The following FAM240B variants were observed in gnomAD, a reference collection of about 807,000 sequenced individuals.
FAM240B encodes the protein family with sequence similarity 240 member B.
Position 38,707,929 on chromosome 9 carries a change from G to C in FAM240B, c.-3-3927C>G, listed in dbSNP as rs112035554. ...GGTCTCTGTTTTCATAGAGTAGCTT[G>C]AGAGTAGTGGGCATGAACTTTGGAA... On this transcript the variant is annotated intron_variant, in intron 1 of 2. Transcript: ENST00000637493. 8.9e-3 allele frequency among the ~76,000 whole-genome samples: 1,349 copies of C among 152,208 alleles called. 26 individuals carry two copies. Among genetic ancestry groups the C allele is most frequent in the African/African-American group, 0.031 (1,277 of 41,534 alleles).
At chr9:38,696,105 C>A (rs1319427865) in intron 2 of FAM240B, among the ~76,000 whole-genome samples, 2 of 151,992 alleles carry the variant, frequency 1.3e-5, no homozygotes, top group Non-Finnish European at 2.9e-5. Flanking sequence ...ATTATGGGCC[C>A]GGGAAAGAAT....
At chr9:38,706,648 C>G (rs1048396515) in intron 1 of FAM240B, among the ~76,000 whole-genome samples, 1 of 152,154 alleles carries the variant, frequency 6.6e-6, no homozygotes, top group African/African-American at 2.4e-5. Context: ...ACGCTCACAT[C>G]CAGTCACCTT....
At chr9:38,716,087 G>A (rs148982095) in intron 1 of FAM240B, among the ~76,000 whole-genome samples, 1,721 of 152,240 alleles carry the variant, frequency 0.011, 28 homozygotes, top group African/African-American at 0.039. Context: ...ACCAGGAGCC[G>A]AGGCAGGTCT....
Position 38,697,582 on chromosome 9 carries a change from G to A in FAM240B, c.144-2713C>T, listed in dbSNP as rs1278358299. Among the ~76,000 whole-genome samples, 3 of 152,150 alleles carry A rather than the reference G, an allele frequency of 2.0e-5. No individual in the cohort carries two copies. In the East Asian group the frequency reaches 5.8e-4, roughly 29 times the overall value. On this transcript the variant is annotated intron_variant, in intron 2 of 2. Transcript: ENST00000637493. ...TATTAACTTTTCAGGAATTTTATAA[G>A]CTAATTTTTAAATGTAGACATTATT...
At chr9:38,715,168 C>G (rs575388841) in intron 1 of FAM240B, among the ~76,000 whole-genome samples, 1 of 152,184 alleles carries the variant, frequency 6.6e-6, no homozygotes, top group Non-Finnish European at 1.5e-5. Flanking sequence ...ATTTTCAGTG[C>G]ACAAAGAGAT....
At position 38,694,553 on chromosome 9, in the gene FAM240B, G is replaced by T. The variant is rs1471727134; in HGVS notation, c.*223C>A. The T allele has an allele frequency of 5.3e-6, 2 of 379,866 alleles. No individual in the cohort carries two copies. 23.5% of individuals were successfully genotyped at this position (379,866 alleles called of 1,614,324 possible). A position where few individuals can be genotyped will look rare whatever the true frequency, so the allele number is the denominator to read the frequency against. On this transcript the variant is annotated 3_prime_UTR_variant, in exon 3 of 3. Coordinates refer to ENST00000637493, the MANE Select transcript of FAM240B (RefSeq NM_001394922.1). ...AGCTCTTTTATTAAATAGCCCAAGC[G>T]TCCTATCCCACTTGCGGTCATCCTG...
chr9:38,700,111 CA>C (rs1435853274), intron 2 of FAM240B, among the ~76,000 whole-genome samples: 3 of 152,166 alleles, frequency 2.0e-5, no homozygotes, highest in Admixed American at 6.5e-5. Flanking sequence ...CTCATTTGAC[CA>C]ACTCAGTTTA....
chr9:38,710,903 TCAC>T (rs1821247373), intron 1 of FAM240B, among the ~76,000 whole-genome samples: 1 of 152,128 alleles, frequency 6.6e-6, no homozygotes, highest in Admixed American at 6.5e-5. Flanking sequence ...CTGCCCGAAG[TCAC>T]CTTGTTGATG....
chr9:38,708,255 C>T (rs542034213), intron 1 of FAM240B, among the ~76,000 whole-genome samples: 1 of 152,300 alleles, frequency 6.6e-6, no homozygotes, highest in South Asian at 2.1e-4. Flanking sequence ...CTGCAGGGCA[C>T]CCTGAACTAT....
At chr9:38,717,549 T>C (rs570821958) in intron 1 of FAM240B, among the ~76,000 whole-genome samples, 45 of 152,314 alleles carry the variant, frequency 3.0e-4, no homozygotes, top group South Asian at 6.2e-4. Flanking sequence ...GGCGCAATCT[T>C]GGCTTACTGC....
chr9:38,712,088 A>G (rs1821262098), intron 1 of FAM240B, among the ~76,000 whole-genome samples: 2 of 152,112 alleles, frequency 1.3e-5, no homozygotes. Context: ...GGCTCAGGGG[A>G]AATACAACAT....
At chr9:38,699,312 T>C (rs1298802630) in intron 2 of FAM240B, among the ~76,000 whole-genome samples, 2 of 152,220 alleles carry the variant, frequency 1.3e-5, no homozygotes, top group East Asian at 1.9e-4. Flanking sequence ...TCTATAATTA[T>C]ATTTTTCCTA....
chr9:38,708,064 C>T (rs886331391), intron 1 of FAM240B, among the ~76,000 whole-genome samples: 1 of 152,074 alleles, frequency 6.6e-6, no homozygotes, highest in African/African-American at 2.4e-5. Context: ...ACGTGCTCTG[C>T]TTCAAGACAT....
At chr9:38,699,253 T>C (rs931058806) in intron 2 of FAM240B, among the ~76,000 whole-genome samples, 1 of 152,250 alleles carries the variant, frequency 6.6e-6, no homozygotes, top group African/African-American at 2.4e-5. Context: ...TGTGAGACTC[T>C]TAAGTCATAA....
At chr9:38,719,619 T>C (rs1406923240) in intron 1 of FAM240B, among the ~76,000 whole-genome samples, 2 of 152,146 alleles carry the variant, frequency 1.3e-5, no homozygotes, top group Non-Finnish European at 2.9e-5. Context: ...CACCCCACCA[T>C]CAGCTTCCTG....
chr9:38,704,360 T>C (rs4878847), intron 1 of FAM240B, among the ~76,000 whole-genome samples: 1 of 152,202 alleles, frequency 6.6e-6, no homozygotes, highest in Admixed American at 6.5e-5. Flanking sequence ...AAAATGTTCA[T>C]GAACAGAGAA....
chr9:38,716,101 T>A (rs1821300583), intron 1 of FAM240B, among the ~76,000 whole-genome samples: 2 of 152,182 alleles, frequency 1.3e-5, no homozygotes, highest in African/African-American at 4.8e-5. Flanking sequence ...CAGGTCTCTT[T>A]TCTCTTGGGC....
At chr9:38,711,377 T>G (rs1360727124) in intron 1 of FAM240B, among the ~76,000 whole-genome samples, 1 of 152,194 alleles carries the variant, frequency 6.6e-6, no homozygotes, top group Admixed American at 6.5e-5. Flanking sequence ...GAAAATACCT[T>G]TAGGTCCAAA....
intron 1 of FAM240B, among the ~76,000 whole-genome samples, chr9:38,713,638 G>A (rs1821280757): frequency 6.6e-6 from 1 of 152,178 alleles, no homozygotes; most frequent in Non-Finnish European, 1.5e-5. Context: ...CAAAGTTGAT[G>A]AGTGTGCTGT....
Sources: gnomAD v4.1 joint callset for allele counts (sites outside exome capture counted in the v4.1 genomes callset) on GRCh38, gnomAD v4.1.1 for gene constraint, MANE v1.5 for transcripts, NCBI Gene and HGNC (gene_info 2026-07-23, HGNC 2026-07-21) for gene names.